RBM33: variants seen among roughly 807,000 people sequenced by gnomAD.
RBM33 encodes RNA binding motif protein 33, also known as RNA-binding protein 33.
In RBM33, 28 loss-of-function variants were observed where a neutral mutation model predicts 132.6. The ratio of observed to expected loss-of-function variants is 0.21; its 90% confidence interval spans 0.16 to 0.29. The LOEUF is 0.29. Among genes scored for constraint, RBM33 ranks in the 10% least tolerant of loss-of-function variants. The pLI is 1.00. For missense variants in RBM33, 1,291 were observed against 1,518.5 expected (o/e 0.85, Z 2.49); for synonymous variants, 634 against 593.0 (o/e 1.07, Z -1.01).
chr7:155,673,077 T>C (rs1360645448), intron 3 of RBM33, among the ~76,000 whole-genome samples, 162 bp downstream of exon 3: 1 of 152,226 alleles, frequency 6.6e-6, no homozygotes, highest in East Asian at 1.9e-4. Context: ...ATTGACTGTT[T>C]ATTAGTAAAT....
intron 13 of RBM33, 39 bp downstream of exon 13, chr7:155,742,145 C>T: frequency 7.7e-6 from 12 of 1,551,086 alleles, no homozygotes; most frequent in East Asian, 2.3e-5. Flanking sequence ...TGGTCTCAAA[C>T]AAGAAGCCTT....
At chr7:155,741,715 C>T in intron 12 of RBM33, 104 bp from the exon 13 acceptor site, 1 of 1,101,340 alleles carries the variant, frequency 9.1e-7, no homozygotes, top group Non-Finnish European at 1.3e-6. Flanking sequence ...AAGTCATTTA[C>T]TAATTAGAAT....
chr7:155,766,622 G>T lies in RBM33; in HGVS notation c.3342G>T (p.Leu1114=). ...CCTCGTCCACCACGGATGCCCAGCT[G>T]AAGAGCCTGCTGATGTCAGTGGGAC... The part of the protein sequence containing the change: ...GLSSSTTDAQ[L]KSLLMSVGPI... Residue 1114 remains leucine (L), a synonymous_variant, in exon 16 of 18, where the codon CTG becomes CTT. Transcript: ENST00000401878. 1 of 1,612,280 alleles carries T rather than the reference G, an allele frequency of 6.2e-7. No individual in the cohort carries two copies. Among genetic ancestry groups the T allele is most frequent in the Non-Finnish European group, 8.5e-7 (1 of 1,179,216 alleles).
chr7:155,689,988 G>A (rs577439904), intron 5 of RBM33, among the ~76,000 whole-genome samples: 58 of 152,298 alleles, frequency 3.8e-4, no homozygotes, highest in African/African-American at 1.2e-3. Flanking sequence ...TATTAGGTCC[G>A]CTTGGTGCAG....
chr7:155,757,911 C>T (rs900995216), intron 14 of RBM33, among the ~76,000 whole-genome samples: 2 of 151,928 alleles, frequency 1.3e-5, no homozygotes, highest in Non-Finnish European at 2.9e-5. Context: ...GTGCCATGCA[C>T]TCTGAATGGC....
Position 155,774,720 on chromosome 7 carries a change from C to T in RBM33, c.3464+73C>T, listed in dbSNP as rs1452292851. ...GCCCTCCTTCCTGTGCCCTCCCATC[C>T]ATCATGGTAGCAAGCGTGTGTCCCC... On this transcript the variant is annotated intron_variant, in intron 17 of 17. Transcript: ENST00000401878. This position sits in a 1 kb window ranked among gnomAD's most constrained non-coding sequence, Gnocchi z 4.2. The T allele has an allele frequency of 8.2e-7, 1 of 1,217,278 alleles. No homozygotes were observed. The allele number at this position is 1,217,278 out of a possible 1,614,324, so 75.4% of individuals were successfully genotyped here. A position where few individuals can be genotyped will look rare whatever the true frequency, so the allele number is the denominator to read the frequency against.
chr7:155,776,006 G>A lies in RBM33; in HGVS notation c.*965G>A, dbSNP rs1215059810. ...CAGCAGGGCTGCCCTGTTCATCAGC[G>A]GATGTTCACTCTGGCCTGCCGTTCC... is the stretch of plus-strand genomic sequence containing the variant. On this transcript the variant is annotated 3_prime_UTR_variant, in exon 18 of 18. Coordinates refer to ENST00000401878, the MANE Select transcript of RBM33 (RefSeq NM_053043.3). This position sits in a 1 kb window ranked among gnomAD's most constrained non-coding sequence, Gnocchi z 4.0. 6.6e-6 allele frequency: 1 copy of A among 152,178 alleles called. No homozygotes were observed. Among genetic ancestry groups the A allele is most frequent in the African/African-American group, 2.4e-5 (1 of 41,400 alleles). 9.4% of individuals were successfully genotyped at this position (152,178 alleles called of 1,614,324 possible). A position where few individuals can be genotyped will look rare whatever the true frequency, so the allele number is the denominator to read the frequency against.
chr7:155,684,876 A>G, intron 5 of RBM33: 3 of 1,513,744 alleles, frequency 2.0e-6, no homozygotes, highest in Non-Finnish European at 2.7e-6. Context: ...AAAGTACGTA[A>G]AAAAACCACC....
intron 16 of RBM33, among the ~76,000 whole-genome samples, chr7:155,767,827 G>A (rs941521561): frequency 6.6e-6 from 1 of 152,206 alleles, no homozygotes; most frequent in Admixed American, 6.5e-5. Context: ...CAAAACAATT[G>A]ATCATAATCT....
intron 1 of RBM33, among the ~76,000 whole-genome samples, chr7:155,656,897 A>ATATAT: frequency 6.6e-6 from 1 of 151,696 alleles, no homozygotes; most frequent in African/African-American, 2.4e-5. Flanking sequence ...GTTACATACC[A>ATATAT]TATATTAGTT....
chr7:155,748,980 G>A (rs1048614775), intron 14 of RBM33, among the ~76,000 whole-genome samples: 1 of 152,174 alleles, frequency 6.6e-6, no homozygotes, highest in Non-Finnish European at 1.5e-5. Context: ...TTGCTGTATA[G>A]AGATTGGAGC....
At chr7:155,770,726 A>G (rs1802399816) in intron 16 of RBM33, among the ~76,000 whole-genome samples, 1 of 151,626 alleles carries the variant, frequency 6.6e-6, no homozygotes, top group South Asian at 2.1e-4. Flanking sequence ...TTATCTTTAT[A>G]CATGCATGCA....
At chr7:155,660,785 C>T (rs1057397987) in intron 1 of RBM33, among the ~76,000 whole-genome samples, 1 of 152,036 alleles carries the variant, frequency 6.6e-6, no homozygotes, top group African/African-American at 2.4e-5. Flanking sequence ...TTTTCCAGTA[C>T]CTTTTGGAAG....
At chr7:155,667,947 T>C (rs970369243) in intron 2 of RBM33, among the ~76,000 whole-genome samples, 8 of 152,154 alleles carry the variant, frequency 5.3e-5, no homozygotes, top group African/African-American at 1.9e-4. Flanking sequence ...GCCAATCTCT[T>C]ATCCATACTC....
chr7:155,766,710 T>C, intron 16 of RBM33, 55 bp downstream of exon 16: 1 of 1,521,428 alleles, frequency 6.6e-7, no homozygotes, highest in East Asian at 2.4e-5. Context: ...CAAGACAAAA[T>C]CATTTCTTGA....
At chr7:155,675,888 C>A (rs1040271454) in intron 3 of RBM33, among the ~76,000 whole-genome samples, 1 of 151,968 alleles carries the variant, frequency 6.6e-6, no homozygotes, top group Non-Finnish European at 1.5e-5. Flanking sequence ...ATTCCCTGTT[C>A]GATACTACTT....
chr7:155,664,166 CAGTT>C (rs1798731971), intron 1 of RBM33, among the ~76,000 whole-genome samples: 2 of 151,986 alleles, frequency 1.3e-5, no homozygotes, highest in South Asian at 2.1e-4. Context: ...GCAAAATAAG[CAGTT>C]AGTATGGAAA....
At position 155,706,744 on chromosome 7, in the gene RBM33, G is replaced by C; in HGVS notation, c.740-116G>C. On this transcript the variant is annotated intron_variant, in intron 6 of 17. Transcript: ENST00000401878. ...GCTGCTAGTTGGGTGTTTCCTGCGG[G>C]TGAAGCACATGCTGTGGCAGAGTTT... 9 of 824,630 alleles carry C rather than the reference G, an allele frequency of 1.1e-5. No homozygotes were observed. The South Asian group carries it at 1.5e-4, about 14-fold the overall frequency. 51.1% of individuals were successfully genotyped at this position (824,630 alleles called of 1,614,324 possible).
In RBM33 at chr7:155,665,330, T is replaced by C. The variant is rs1798772678; in HGVS notation, c.122+77T>C. 3.8e-6 allele frequency: 5 copies of C among 1,312,288 alleles called. No individual in the cohort carries two copies. In the African/African-American group the frequency reaches 4.3e-5, roughly 11 times the overall value. 81.3% of individuals were successfully genotyped at this position (1,312,288 alleles called of 1,614,324 possible). A position where few individuals can be genotyped will look rare whatever the true frequency, so the allele number is the denominator to read the frequency against. ...TGACACTTGGCTCCTGAGGGATCTT[T>C]ACTGAACGCAGCACCTTGACTACCT... On this transcript the variant is annotated intron_variant, in intron 2 of 17. Transcript: ENST00000401878.
Sources: allele counts gnomAD v4.1 joint callset (sites outside exome capture counted in the v4.1 genomes callset), GRCh38; gene constraint gnomAD v4.1.1; non-coding constraint Gnocchi (gnomAD v3.1); transcripts MANE v1.5; gene names NCBI Gene and HGNC (gene_info 2026-07-23, HGNC 2026-07-21).